The following PPP2R2C variants were observed in gnomAD, a reference collection of about 807,000 sequenced individuals.
PPP2R2C encodes protein phosphatase 2 regulatory subunit Bgamma, also known as protein phosphatase 2, regulatory subunit B, gamma.
Under a neutral mutation model 45.3 loss-of-function variants are expected in PPP2R2C, and 10 were observed. That is an observed-to-expected ratio of 0.22 (90% CI 0.14 to 0.37). The LOEUF is 0.37. Ranked by LOEUF, PPP2R2C falls within the 10% of genes least tolerant of loss-of-function variation. The probability of loss-of-function intolerance (pLI) is 1.00; values close to 1 mark genes in which losing one functional copy is unlikely to be tolerated. For missense variants in PPP2R2C, 308 were observed against 619.7 expected, an observed-to-expected ratio of 0.50 and a Z score of 5.34; for synonymous variants, 257 against 245.4, an observed-to-expected ratio of 1.05 and a Z score of -0.44.
At chr4:6,480,017 C>T (rs1167112827) in intron 2 of PPP2R2C, among the ~76,000 whole-genome samples, 3 of 152,048 alleles carry the variant, frequency 2.0e-5, no homozygotes, top group Non-Finnish European at 4.4e-5. Flanking sequence ...AGCTTTGCTT[C>T]GGTTCTTTTC....
chr4:6,560,305 C>G lies in PPP2R2C; in HGVS notation c.-59+3255G>C, dbSNP rs140362506. On this transcript the variant is annotated intron_variant, in intron 1 of 9. Coordinates refer to the PPP2R2C transcript ENST00000506140. Reference sequence around the variant, plus strand: ...CTTCTATGTTCTTCTGGAAGCAACTCCAAGCCAGGGGCGTTTCCATACTGG... The same window carrying G: ...CTTCTATGTTCTTCTGGAAGCAACTGCAAGCCAGGGGCGTTTCCATACTGG... Among the ~76,000 whole-genome samples the G allele has an allele frequency of 7.6e-4, 116 of 152,332 alleles. 1 individual carries two copies. Among genetic ancestry groups the G allele is most frequent in the African/African-American group, 2.7e-3 (112 of 41,580 alleles).
At chr4:6,347,789 T>TTC in intron 6 of PPP2R2C, 57 bp downstream of exon 6, 11 of 1,033,612 alleles carry the variant, frequency 1.1e-5, no homozygotes, top group Non-Finnish European at 1.5e-5. Context: ...GGACAGGACA[T>TTC]CCCACCCGCC....
intron 1 of PPP2R2C, among the ~76,000 whole-genome samples, chr4:6,424,948 T>C (rs571139270): frequency 6.6e-6 from 1 of 152,314 alleles, no homozygotes; most frequent in East Asian, 1.9e-4. Flanking sequence ...CTCTTTAGGG[T>C]TCACTTTCCT....
intron 5 of PPP2R2C, among the ~76,000 whole-genome samples, chr4:6,365,577 C>T (rs543504328): frequency 2.0e-5 from 3 of 152,194 alleles, no homozygotes; most frequent in Admixed American, 6.5e-5. Flanking sequence ...AGAGCCTGGG[C>T]TCAGGGTCCC....
intron 1 of PPP2R2C, among the ~76,000 whole-genome samples, chr4:6,553,704 G>A (rs1221751571): frequency 3.9e-5 from 6 of 152,222 alleles, no homozygotes. Context: ...CATGATCTGG[G>A]TCTGTCATGC....
chr4:6,452,638 C>T (rs1335093584), intron 1 of PPP2R2C, among the ~76,000 whole-genome samples: 5 of 152,386 alleles, frequency 3.3e-5, no homozygotes, highest in African/African-American at 1.2e-4. Context: ...TGTCCTCCCA[C>T]TGTCCCCATG....
intron 1 of PPP2R2C, among the ~76,000 whole-genome samples, chr4:6,390,056 C>G (rs1716494110): frequency 6.6e-6 from 1 of 152,156 alleles, no homozygotes; most frequent in African/African-American, 2.4e-5. Context: ...AGGTGGGAGA[C>G]CCTAGCCTGA....
intron 1 of PPP2R2C, among the ~76,000 whole-genome samples, chr4:6,429,000 A>G (rs1165957453): frequency 6.6e-6 from 1 of 152,264 alleles, no homozygotes; most frequent in Non-Finnish European, 1.5e-5. Flanking sequence ...CAGATAGCCA[A>G]TATTTTAGGC....
At chr4:6,557,865 C>T (rs756247826) in intron 1 of PPP2R2C, among the ~76,000 whole-genome samples, 3 of 152,128 alleles carry the variant, frequency 2.0e-5, no homozygotes, top group Non-Finnish European at 4.4e-5. Context: ...GCGGGCACAA[C>T]GGACGCTGGC....
At chr4:6,441,992 C>G (rs1350479636) in intron 1 of PPP2R2C, among the ~76,000 whole-genome samples, 1 of 152,242 alleles carries the variant, frequency 6.6e-6, no homozygotes, top group Non-Finnish European at 1.5e-5. Context: ...CTCCTGACCA[C>G]CTGGGTCAAG....
intron 1 of PPP2R2C, among the ~76,000 whole-genome samples, chr4:6,465,260 T>G (rs934566365): frequency 6.6e-6 from 1 of 152,076 alleles, no homozygotes; most frequent in Non-Finnish European, 1.5e-5. Context: ...ACTTCTAGCT[T>G]GTAAAATAAG....
At chr4:6,374,788 G>A (rs546908986) in intron 4 of PPP2R2C, among the ~76,000 whole-genome samples, 254 of 152,286 alleles carry the variant, frequency 1.7e-3, no homozygotes, top group Middle Eastern at 3.4e-3. Flanking sequence ...GGGCTAGCCC[G>A]GGGCCTAGCG....
At position 6,326,417 on chromosome 4, in the gene PPP2R2C, G is replaced by A. The variant is rs114229692; in HGVS notation, c.1053-2824C>T. ...TTGACTCCCGCACCCGAGCACGCTC[G>A]GCTGGCACAAATCTCTCCCCCCAGG... On this transcript the variant is annotated intron_variant, in intron 8 of 8. Transcript: ENST00000382599. 5.0e-3 allele frequency among the ~76,000 whole-genome samples: 768 copies of A among 152,202 alleles called. 4 individuals are homozygous for A. The highest frequency in any genetic ancestry group is 0.017 in the African/African-American group (725 of 41,530).
chr4:6,394,916 C>A (rs1156492088), intron 1 of PPP2R2C, among the ~76,000 whole-genome samples: 1 of 152,236 alleles, frequency 6.6e-6, no homozygotes, highest in Admixed American at 6.5e-5. Flanking sequence ...AGGGGTCAGG[C>A]TCTAAGCTGC....
chr4:6,425,813 C>CTGTGTGTG (rs147253945), intron 1 of PPP2R2C, among the ~76,000 whole-genome samples: 17 of 148,550 alleles, frequency 1.1e-4, no homozygotes, highest in Admixed American at 2.7e-4. Context: ...CGATGCTTGG[C>CTGTGTGTG]TGTGTGTGTG....
intron 1 of PPP2R2C, among the ~76,000 whole-genome samples, chr4:6,424,485 G>A (rs960280176): frequency 6.6e-6 from 1 of 152,238 alleles, no homozygotes; most frequent in African/African-American, 2.4e-5. Context: ...ACTGAGGGGT[G>A]ACCATAGCAT....
At position 6,472,294 on chromosome 4, in the gene PPP2R2C, C is replaced by A. The variant is rs919122733; in HGVS notation, c.-65G>T. ...ACACACCGATGCAATCCGCAGAGGTCGCGCCGGGCGCGCGGGCCATGCCGC... is the reference window on the plus strand; with the variant it reads ...ACACACCGATGCAATCCGCAGAGGTAGCGCCGGGCGCGCGGGCCATGCCGC... On this transcript the variant is annotated 5_prime_UTR_variant, in exon 1 of 9. Coordinates refer to ENST00000382599, the MANE Select transcript of PPP2R2C (RefSeq NM_020416.4). The A allele has an allele frequency of 3.8e-6, 6 of 1,592,814 alleles. No homozygotes were observed. Among genetic ancestry groups the A allele is most frequent in the Non-Finnish European group, 5.1e-6 (6 of 1,170,258 alleles).
chr4:6,383,656 G>A, intron 1 of PPP2R2C: 1 of 513,048 alleles, frequency 1.9e-6, no homozygotes, highest in East Asian at 8.3e-5. Context: ...CCTCATACAG[G>A]ACACCCTGAC....
chr4:6,515,175 A>C (rs2108808904), intron 2 of PPP2R2C, among the ~76,000 whole-genome samples: 1 of 152,328 alleles, frequency 6.6e-6, no homozygotes, highest in South Asian at 2.1e-4. Flanking sequence ...TGGTCACTTT[A>C]AAGGTAGAAT....
Sources: allele counts gnomAD v4.1 joint callset (sites outside exome capture counted in the v4.1 genomes callset), GRCh38; gene constraint gnomAD v4.1.1; transcripts MANE v1.5; gene names NCBI Gene and HGNC (gene_info 2026-07-23, HGNC 2026-07-21).